Variants in OPCML observed in about 807,000 individuals in gnomAD.
The protein encoded by OPCML is opioid-binding protein/cell adhesion molecule.
A neutral mutation model predicts 37.8 loss-of-function variants in OPCML; 13 were observed. The ratio of observed to expected loss-of-function variants is 0.34; its 90% confidence interval spans 0.22 to 0.55. The LOEUF (loss-of-function observed/expected upper bound fraction) is 0.55. OPCML is among the 20% of genes least tolerant of loss of function. The pLI, the probability that OPCML is intolerant of heterozygous loss-of-function variation, is 0.91. For missense variants in OPCML, 341 were observed against 435.6 expected (o/e 0.78, Z 1.93); for synonymous variants, 176 against 168.8 (o/e 1.04, Z -0.33).
intron 2 of OPCML, among the ~76,000 whole-genome samples, chr11:132,842,742 G>A (rs934054175): frequency 1.2e-4 from 18 of 152,130 alleles, no homozygotes; most frequent in Admixed American, 6.5e-4. Flanking sequence ...CTGTTTAGAC[G>A]CACTGCCAAA....
Position 132,437,229 on chromosome 11 carries a change from A to G in OPCML, c.636T>C (p.Thr212=), listed in dbSNP as rs1265359645. 3.7e-6 allele frequency: 6 copies of G among 1,613,696 alleles called. No homozygotes were observed. In the East Asian group the frequency reaches 8.9e-5, roughly 24 times the overall value. The change falls in exon 5 of 8, where the codon ACT becomes ACC. Residue 212 remains threonine, a synonymous_variant. Transcript: ENST00000524381. ...GGCTGCAGGTCCACTCACAGTTTACAGTGATTTTTACTTTCCGCACATCGG... is the reference window on the plus strand; with the variant it reads ...GGCTGCAGGTCCACTCACAGTTTACGGTGATTTTTACTTTCCGCACATCGG... ...AAPDVRKVKI[T]VNYPPYISKA... is the part of the protein sequence containing the mutation.
intron 2 of OPCML, among the ~76,000 whole-genome samples, chr11:132,759,982 A>C (rs754637835): frequency 6.6e-6 from 1 of 152,122 alleles, no homozygotes; most frequent in African/African-American, 2.4e-5. Context: ...TGTCCCAGAG[A>C]TTCTGGTATC....
At position 133,528,435 on chromosome 11, in the gene OPCML, C is replaced by A. The variant is rs1948533126; in HGVS notation, c.61+3829G>T. ...TTAGTGAGTCTGGCGCGTGGATTCCCCCACTAGACCCCTTGTGCACATCAG... is the reference window on the plus strand; with the variant it reads ...TTAGTGAGTCTGGCGCGTGGATTCCACCACTAGACCCCTTGTGCACATCAG... On this transcript the variant is annotated intron_variant, in intron 1 of 7. Coordinates refer to ENST00000524381, the MANE Select transcript of OPCML (RefSeq NM_001012393.5). Among the ~76,000 whole-genome samples, 3 of 152,328 alleles carry A rather than the reference C, an allele frequency of 2.0e-5. No homozygotes were observed. In the South Asian group the frequency reaches 6.2e-4, roughly 32 times the overall value.
intron 2 of OPCML, among the ~76,000 whole-genome samples, chr11:132,809,721 G>T (rs1939219552): frequency 6.6e-6 from 1 of 152,008 alleles, no homozygotes; most frequent in Non-Finnish European, 1.5e-5. Context: ...ATGAGAATTG[G>T]TCTCTGAATA....
At chr11:133,185,234 C>T (rs1380067801) in intron 1 of OPCML, among the ~76,000 whole-genome samples, 1 of 152,186 alleles carries the variant, frequency 6.6e-6, no homozygotes, top group African/African-American at 2.4e-5. Flanking sequence ...AGAGTTCATT[C>T]TCCAATTACA....
intron 1 of OPCML, among the ~76,000 whole-genome samples, chr11:133,494,304 T>C (rs1279654815): frequency 6.6e-6 from 1 of 151,678 alleles, no homozygotes; most frequent in African/African-American, 2.4e-5. Flanking sequence ...ATTGTGGAAG[T>C]CAGTGTGGCG....
At chr11:132,867,938 C>T (rs1166570877) in intron 2 of OPCML, among the ~76,000 whole-genome samples, 2 of 152,152 alleles carry the variant, frequency 1.3e-5, no homozygotes, top group Non-Finnish European at 2.9e-5. Context: ...GAAAATGTCA[C>T]TCAGTCTGCA....
chr11:132,827,358 A>G (rs1456683512), intron 2 of OPCML, among the ~76,000 whole-genome samples: 1 of 152,174 alleles, frequency 6.6e-6, no homozygotes, highest in Non-Finnish European at 1.5e-5. Context: ...AAACAATGAA[A>G]TATCACTACA....
intron 1 of OPCML, among the ~76,000 whole-genome samples, chr11:132,991,434 C>T (rs1946774180): frequency 6.6e-6 from 1 of 152,154 alleles, no homozygotes; most frequent in Non-Finnish European, 1.5e-5. Context: ...TGTCCTTGTA[C>T]ATTTCTGCCA....
intron 1 of OPCML, among the ~76,000 whole-genome samples, chr11:133,479,278 G>A (rs1947322252): frequency 6.6e-6 from 1 of 152,136 alleles, no homozygotes; most frequent in Non-Finnish European, 1.5e-5. Flanking sequence ...GCATTCCCCA[G>A]AGGATTCTCA....
intron 3 of OPCML, among the ~76,000 whole-genome samples, chr11:132,548,362 GC>G (rs1225368139): frequency 6.6e-6 from 1 of 152,112 alleles, no homozygotes; most frequent in East Asian, 1.9e-4. Flanking sequence ...CCTGGCACCT[GC>G]CCCCCTATAT....
intron 1 of OPCML, among the ~76,000 whole-genome samples, chr11:133,358,175 T>G (rs1944334133): frequency 6.6e-6 from 1 of 152,226 alleles, no homozygotes. Context: ...ATGAAAATGT[T>G]TATCATTTAA....
At chr11:132,986,449 C>A (rs554873895) in intron 1 of OPCML, among the ~76,000 whole-genome samples, 1 of 152,232 alleles carries the variant, frequency 6.6e-6, no homozygotes, top group South Asian at 2.1e-4. Flanking sequence ...AGAAGTCAGT[C>A]TCCAACACAC....
intron 1 of OPCML, among the ~76,000 whole-genome samples, chr11:133,062,419 T>C (rs966697816): frequency 3.3e-5 from 5 of 152,230 alleles, no homozygotes; most frequent in Non-Finnish European, 7.3e-5. Context: ...GTTACCACTA[T>C]TGACAAATAC....
chr11:133,242,336 C>A (rs760801215), intron 1 of OPCML, among the ~76,000 whole-genome samples: 18 of 152,166 alleles, frequency 1.2e-4, no homozygotes, highest in Non-Finnish European at 2.1e-4. Flanking sequence ...AATCCAAGTG[C>A]CCTGATTTGC....
At chr11:133,257,569 A>C (rs1002952674) in intron 1 of OPCML, among the ~76,000 whole-genome samples, 1 of 152,148 alleles carries the variant, frequency 6.6e-6, no homozygotes, top group Non-Finnish European at 1.5e-5. Context: ...GTTCTTACAC[A>C]CTGAGCTACA....
At chr11:132,453,140 G>C (rs1027459704) in intron 4 of OPCML, among the ~76,000 whole-genome samples, 2 of 152,184 alleles carry the variant, frequency 1.3e-5, no homozygotes, top group African/African-American at 4.8e-5. Context: ...GGTTCCTGTA[G>C]AACGTACATT....
At chr11:133,107,614 T>C (rs952460088) in intron 1 of OPCML, among the ~76,000 whole-genome samples, 2 of 152,198 alleles carry the variant, frequency 1.3e-5, no homozygotes, top group Non-Finnish European at 2.9e-5. Context: ...GCCATTCACC[T>C]TTCCCTCTTC....
chr11:133,493,369 A>G lies in OPCML; in HGVS notation c.61+38895T>C, dbSNP rs1330639160. ...CTGTAGACATAAGTAGAAAGTGAGG[A>G]TAAATACACAAGGCACCAAAATAAA... is the stretch of plus-strand genomic sequence containing the variant. On this transcript the variant is annotated intron_variant, in intron 1 of 7. Transcript: ENST00000524381. Among the ~76,000 whole-genome samples, 3 of 152,234 alleles carry G rather than the reference A, an allele frequency of 2.0e-5. No homozygotes were observed. The East Asian group carries it at 5.8e-4, about 29-fold the overall frequency.
Sources: gnomAD v4.1 joint callset for allele counts (sites outside exome capture counted in the v4.1 genomes callset) on GRCh38, gnomAD v4.1.1 for gene constraint, MANE v1.5 for transcripts, NCBI Gene and HGNC (gene_info 2026-07-23, HGNC 2026-07-21) for gene names.